The following GSX1 variants were observed in gnomAD, a reference collection of about 807,000 sequenced individuals.
GSX1 encodes the protein GS homeobox 1.
Under a neutral mutation model 17.7 loss-of-function variants are expected in GSX1, and 13 were observed. That is an observed-to-expected ratio of 0.74 (90% confidence interval 0.48 to 1.17). The LOEUF is 1.17. Ranked by LOEUF, GSX1 falls within the 50% of genes most tolerant of loss-of-function variation. GSX1 has a pLI of 0.00. For missense variants in GSX1, 371 were observed against 372.1 expected, an observed-to-expected ratio of 1.00 and a Z score of 0.02; for synonymous variants, 202 against 176.2, an observed-to-expected ratio of 1.15 and a Z score of -1.16.
In GSX1 at chr13:27,792,785, C is replaced by G; in HGVS notation, c.95C>G (p.Ala32Gly). The G allele has an allele frequency of 1.3e-6, 2 of 1,500,144 alleles. No homozygotes were observed. Among genetic ancestry groups the G allele is most frequent in the African/African-American group, 1.5e-5 (1 of 68,906 alleles). 92.9% of individuals were successfully genotyped at this position (1,500,144 alleles called of 1,614,324 possible). ...EGSPPPLFPYAVPPPHALHGL... is the reference protein window; with the variant it reads ...EGSPPPLFPYGVPPPHALHGL... ...AGCCCGCCGCCGCTCTTCCCCTACG[C>G]TGTGCCCCCGCCGCACGCGCTGCAC... is the stretch of plus-strand genomic sequence containing the variant. The change falls in exon 1 of 2, where the codon GCT becomes GGT. Residue 32 changes from alanine (A) to glycine (G), a missense_variant. By Grantham distance (60) the Ala-to-Gly change is moderately conservative (BLOSUM62 0). This residue lies in a region of GSX1 where 212 missense variants were observed against 193.9 expected (regional missense o/e 1.09). Transcript: ENST00000302945.
chr13:27,793,424 A>G lies in GSX1; in HGVS notation c.413-142A>G. 2.5e-6 allele frequency: 2 copies of G among 809,370 alleles called. No homozygotes were observed. The highest frequency in any genetic ancestry group is 1.8e-5 in the South Asian group (1 of 54,642). 50.1% of individuals were successfully genotyped at this position (809,370 alleles called of 1,614,324 possible). ...TCTCGGAGCTGGACAAGGAGCGCTC[A>G]CTGTAGCTCTGCTGTGGATTGTGTT... is the stretch of plus-strand genomic sequence containing the variant. On this transcript the variant is annotated intron_variant, in intron 1 of 1. Transcript: ENST00000302945. The surrounding 1 kb of genome is among the most constrained non-coding windows in gnomAD (Gnocchi z 6.2).
In GSX1 at chr13:27,793,207, G is replaced by C; in HGVS notation, c.412+105G>C. ...ACCCTGGGCTTTCTGGGGGCGGTGA[G>C]GGTCATGTCGGGGACTAAGGGGGGC... On this transcript the variant is annotated intron_variant, in intron 1 of 1. Coordinates refer to ENST00000302945, the MANE Select transcript of GSX1 (RefSeq NM_145657.3). The surrounding 1 kb of genome is among the most constrained non-coding windows in gnomAD (Gnocchi z 6.2). The C allele has an allele frequency of 7.9e-7, 1 of 1,259,294 alleles. No homozygotes were observed. Among genetic ancestry groups the C allele is most frequent in the Non-Finnish European group, 1.1e-6 (1 of 944,222 alleles). 78.0% of individuals were successfully genotyped at this position (1,259,294 alleles called of 1,614,324 possible). A position where few individuals can be genotyped will look rare whatever the true frequency, so the allele number is the denominator to read the frequency against.
In GSX1 at chr13:27,794,190, C is replaced by A; in HGVS notation, c.*242C>A. ...AACTCCAAGCTGTGAACACTGTAAG[C>A]GCTCGAGTCCTCCTGGGCAGTGCAG... On this transcript the variant is annotated 3_prime_UTR_variant, in exon 2 of 2. Coordinates refer to ENST00000302945, the MANE Select transcript of GSX1 (RefSeq NM_145657.3). The A allele has an allele frequency of 2.0e-6, 1 of 508,338 alleles. No homozygotes were observed. The highest frequency in any genetic ancestry group is 3.4e-6 in the Non-Finnish European group (1 of 290,120). 31.5% of individuals were successfully genotyped at this position (508,338 alleles called of 1,614,324 possible).
chr13:27,792,908 C>A lies in GSX1; in HGVS notation c.218C>A (p.Pro73Gln). The A allele has an allele frequency of 6.6e-7, 1 of 1,526,476 alleles. No individual in the cohort carries two copies. The highest frequency in any genetic ancestry group is 8.8e-7 in the Non-Finnish European group (1 of 1,141,444). The allele number at this position is 1,526,476 out of a possible 1,614,324, so 94.6% of individuals were successfully genotyped here. A position where few individuals can be genotyped will look rare whatever the true frequency, so the allele number is the denominator to read the frequency against. The change falls in exon 1 of 2, where the codon CCG (proline) becomes CAG (glutamine). Residue 73 changes from proline to glutamine, a missense_variant. By Grantham distance (76) the Pro-to-Gln change is moderately conservative. This residue lies in a region of GSX1 where 212 missense variants were observed against 193.9 expected (regional missense o/e 1.09). Coordinates refer to ENST00000302945, the MANE Select transcript of GSX1 (RefSeq NM_145657.3). ...TASQLHGPPG[P>Q]PALPLLKASF... ...TCGCAGCTGCATGGGCCCCCCGGGC[C>A]GCCCGCGCTGCCTCTACTCAAGGCT...
rs1437068417 is a variant in GSX1 at position 27,793,312 on chromosome 13, T to C, written c.412+210T>C. On this transcript the variant is annotated intron_variant, in intron 1 of 1. Transcript: ENST00000302945. This position sits in a 1 kb window ranked among gnomAD's most constrained non-coding sequence, Gnocchi z 6.2. ...GGGCAGACGTCCAGGTCCTGGAGTG[T>C]GGGCCGGGGTAAGTGAGGGCTGGGA... 6.6e-6 allele frequency among the ~76,000 whole-genome samples: 1 copy of C among 151,732 alleles called. No homozygotes were observed. The highest frequency in any genetic ancestry group is 1.5e-5 in the Non-Finnish European group (1 of 67,924).
At position 27,793,103 on chromosome 13, in the gene GSX1, G is replaced by A; in HGVS notation, c.412+1G>A. The A allele has an allele frequency of 1.3e-6, 2 of 1,535,044 alleles. No individual in the cohort carries two copies. The highest frequency in any genetic ancestry group is 1.2e-5 in the South Asian group (1 of 83,216). ...AGGCAGTTCCACTGCATCTCTGTGG[G>A]TAAGCGGGGCCGCCGCGCAGAGGGA... On this transcript the variant is annotated splice_donor_variant, in intron 1 of 1. Coordinates refer to ENST00000302945, the MANE Select transcript of GSX1 (RefSeq NM_145657.3). LOFTEE classifies it high-confidence loss of function. This position sits in a 1 kb window ranked among gnomAD's most constrained non-coding sequence, Gnocchi z 6.2.
Position 27,794,584 on chromosome 13 carries a change from A to C in GSX1, c.*636A>C, listed in dbSNP as rs2138646129. 6.6e-6 allele frequency: 1 copy of C among 151,604 alleles called. No individual in the cohort carries two copies. Among genetic ancestry groups the C allele is most frequent in the African/African-American group, 2.4e-5 (1 of 41,268 alleles). 9.4% of individuals were successfully genotyped at this position (151,604 alleles called of 1,614,324 possible). A position where few individuals can be genotyped will look rare whatever the true frequency, so the allele number is the denominator to read the frequency against. The stretch of plus-strand genomic sequence containing the variant: ...CCTCAGTCCCCACGGCTCCTCTCAC[A>C]GATGATAAATTTCGCCCGTAGTATC... On this transcript the variant is annotated 3_prime_UTR_variant, in exon 2 of 2. Transcript: ENST00000302945.
In GSX1 at chr13:27,792,959, A is replaced by G. The variant is rs1305967506; in HGVS notation, c.269A>G (p.Tyr90Cys). The change falls in exon 1 of 2, where the codon TAC becomes TGC. Residue 90 changes from tyrosine to cysteine, a missense_variant. Physicochemically the swap from Tyr to Cys is radical, Grantham distance 194. Around this residue, in one of 3 missense-constraint regions of GSX1, gnomAD observed 212 missense variants for 193.9 expected, o/e 1.09. Coordinates refer to ENST00000302945, the MANE Select transcript of GSX1 (RefSeq NM_145657.3). ...KASFPPFGSQ[Y>C]CHAPLGRQHS... Reference sequence around the variant, plus strand: ...TCCTTCCCACCCTTCGGCTCGCAGTACTGCCACGCGCCCCTGGGCCGCCAG... The same window carrying G: ...TCCTTCCCACCCTTCGGCTCGCAGTGCTGCCACGCGCCCCTGGGCCGCCAG... The G allele has an allele frequency of 1.3e-6, 2 of 1,542,682 alleles. No homozygotes were observed. Among genetic ancestry groups the G allele is most frequent in the Non-Finnish European group, 1.7e-6 (2 of 1,150,214 alleles).
At position 27,792,903 on chromosome 13, in the gene GSX1, C is replaced by T. The variant is rs766312266; in HGVS notation, c.213C>T (p.Pro71=). ...CVTASQLHGP[P]GPPALPLLKA... is the part of the protein sequence containing the mutation. Reference sequence around the variant, plus strand: ...CCGCCTCGCAGCTGCATGGGCCCCCCGGGCCGCCCGCGCTGCCTCTACTCA... The same window carrying T: ...CCGCCTCGCAGCTGCATGGGCCCCCTGGGCCGCCCGCGCTGCCTCTACTCA... The change falls in exon 1 of 2, where the codon CCC becomes CCT. Residue 71 remains proline (P), a synonymous_variant. Transcript: ENST00000302945. 5 of 1,526,942 alleles carry T rather than the reference C, an allele frequency of 3.3e-6. No homozygotes were observed. The highest frequency in any genetic ancestry group is 1.8e-4 in the Middle Eastern group (1 of 5,684). 94.6% of individuals were successfully genotyped at this position (1,526,942 alleles called of 1,614,324 possible).
In GSX1 at chr13:27,793,211, C is replaced by A; in HGVS notation, c.412+109C>A. 8.1e-7 allele frequency: 1 copy of A among 1,232,270 alleles called. No homozygotes were observed. Among genetic ancestry groups the A allele is most frequent in the Non-Finnish European group, 1.1e-6 (1 of 920,754 alleles). 76.3% of individuals were successfully genotyped at this position (1,232,270 alleles called of 1,614,324 possible). ...TGGGCTTTCTGGGGGCGGTGAGGGTCATGTCGGGGACTAAGGGGGGCGCTT... is the reference window on the plus strand; with the variant it reads ...TGGGCTTTCTGGGGGCGGTGAGGGTAATGTCGGGGACTAAGGGGGGCGCTT... On this transcript the variant is annotated intron_variant, in intron 1 of 1. Transcript: ENST00000302945. This position sits in a 1 kb window ranked among gnomAD's most constrained non-coding sequence, Gnocchi z 6.2.
rs953557337 is a variant in GSX1 at position 27,792,896 on chromosome 13, G to A, written c.206G>A (p.Gly69Glu). Residue 69 changes from glycine to glutamate, a missense_variant, in exon 1 of 2, where the codon GGG (glycine) becomes GAG (glutamate). This residue lies in a region of GSX1 where 212 missense variants were observed against 193.9 expected (regional missense o/e 1.09). Transcript: ENST00000302945. ...TGCGTCACCGCCTCGCAGCTGCATG[G>A]GCCCCCCGGGCCGCCCGCGCTGCCT... is the stretch of plus-strand genomic sequence containing the variant. ...PLCVTASQLH[G>E]PPGPPALPLL... is the part of the protein sequence containing the mutation. 7.2e-6 allele frequency: 11 copies of A among 1,525,110 alleles called. No homozygotes were observed. The highest frequency in any genetic ancestry group is 9.6e-6 in the Non-Finnish European group (11 of 1,141,550). 94.5% of individuals were successfully genotyped at this position (1,525,110 alleles called of 1,614,324 possible).
rs1301581396 is a variant in GSX1, at chr13:27,793,180, G to A, written c.412+78G>A. 2.5e-5 allele frequency: 35 copies of A among 1,395,324 alleles called. No individual in the cohort carries two copies. Among genetic ancestry groups the A allele is most frequent in the Non-Finnish European group, 3.2e-5 (34 of 1,065,068 alleles). The allele number at this position is 1,395,324 out of a possible 1,614,324, so 86.4% of individuals were successfully genotyped here. A position where few individuals can be genotyped will look rare whatever the true frequency, so the allele number is the denominator to read the frequency against. On this transcript the variant is annotated intron_variant, in intron 1 of 1. Transcript: ENST00000302945. The surrounding 1 kb of genome is among the most constrained non-coding windows in gnomAD (Gnocchi z 6.2). ...TGGAGAGCCAGAGATGGAGGAAGAGGGACCCTGGGCTTTCTGGGGGCGGTG... is the reference window on the plus strand; with the variant it reads ...TGGAGAGCCAGAGATGGAGGAAGAGAGACCCTGGGCTTTCTGGGGGCGGTG...
rs1957071977 is a variant in GSX1, at chr13:27,792,518, G to A, written c.-173G>A. 1 of 568,342 alleles carries A rather than the reference G, an allele frequency of 1.8e-6. No homozygotes were observed. The highest frequency in any genetic ancestry group is 2.0e-5 in the African/African-American group (1 of 50,538). 35.2% of individuals were successfully genotyped at this position (568,342 alleles called of 1,614,324 possible). ...CTGGCCAGCACCCCGCGCTCTTTGG[G>A]CGGTGCCCACGGCAGCAGAGGCTAC... On this transcript the variant is annotated 5_prime_UTR_variant, in exon 1 of 2. Transcript: ENST00000302945.
rs1957073611 is a variant in GSX1, at chr13:27,792,708, G to A, written c.18G>A (p.Leu6=). Residue 6 remains leucine (L), a synonymous_variant, in exon 1 of 2, where the codon CTG becomes CTA. Transcript: ENST00000302945. ...CCGGGGCCATGCCGCGCTCCTTCCT[G>A]GTGGACTCGCTAGTGCTGCGCGAGG... MPRSF[L]VDSLVLREAG... 2 of 1,443,710 alleles carry A rather than the reference G, an allele frequency of 1.4e-6. No homozygotes were observed. Among genetic ancestry groups the A allele is most frequent in the East Asian group, 6.0e-5 (2 of 33,566 alleles). 89.4% of individuals were successfully genotyped at this position (1,443,710 alleles called of 1,614,324 possible).
In GSX1 at chr13:27,794,021, G is replaced by C. The variant is rs1957084981; in HGVS notation, c.*73G>C. On this transcript the variant is annotated 3_prime_UTR_variant, in exon 2 of 2. Coordinates refer to ENST00000302945, the MANE Select transcript of GSX1 (RefSeq NM_145657.3). Reference sequence around the variant, plus strand: ...GAGACTAGTCCTGGGACTCAGCGCTGATTCCCAGGCACCCGCAGCCAAACC... The same window carrying C: ...GAGACTAGTCCTGGGACTCAGCGCTCATTCCCAGGCACCCGCAGCCAAACC... 2 of 1,468,494 alleles carry C rather than the reference G, an allele frequency of 1.4e-6. No homozygotes were observed. The highest frequency in any genetic ancestry group is 4.6e-5 in the Admixed American group (2 of 43,518). 91.0% of individuals were successfully genotyped at this position (1,468,494 alleles called of 1,614,324 possible).
chr13:27,793,942 T>C lies in GSX1; in HGVS notation c.789T>C (p.Thr263=). 7.8e-6 allele frequency: 12 copies of C among 1,547,208 alleles called. No individual in the cohort carries two copies. The highest frequency in any genetic ancestry group is 1.0e-5 in the Non-Finnish European group (12 of 1,145,262). ...AGGACGACCGGGATCTTACGGTCAC[T>C]CCCTAGGCGCGTGTCTCCCTAGGTC... ...SGKDDRDLTV[T]P The change falls in exon 2 of 2, where the codon ACT becomes ACC. Residue 263 remains threonine, a synonymous_variant. Coordinates refer to ENST00000302945, the MANE Select transcript of GSX1 (RefSeq NM_145657.3). The surrounding 1 kb of genome is among the most constrained non-coding windows in gnomAD (Gnocchi z 6.2).
At position 27,792,615 on chromosome 13, in the gene GSX1, G is replaced by T. The variant is rs963462265; in HGVS notation, c.-76G>T. 8.1e-7 allele frequency: 1 copy of T among 1,235,712 alleles called. No homozygotes were observed. The highest frequency in any genetic ancestry group is 2.2e-5 in the South Asian group (1 of 46,178). 76.5% of individuals were successfully genotyped at this position (1,235,712 alleles called of 1,614,324 possible). A position where few individuals can be genotyped will look rare whatever the true frequency, so the allele number is the denominator to read the frequency against. Reference sequence around the variant, plus strand: ...GCAGCTGCGGGATACCGCGGCCAGGGAAAGCGCGTGGAGAGCCGAAAGGTG... The same window carrying T: ...GCAGCTGCGGGATACCGCGGCCAGGTAAAGCGCGTGGAGAGCCGAAAGGTG... On this transcript the variant is annotated 5_prime_UTR_variant, in exon 1 of 2. Coordinates refer to ENST00000302945, the MANE Select transcript of GSX1 (RefSeq NM_145657.3).
chr13:27,792,895 G>C lies in GSX1; in HGVS notation c.205G>C (p.Gly69Arg). The change falls in exon 1 of 2, where the codon GGG becomes CGG. Residue 69 changes from glycine to arginine, a missense_variant. Physicochemically the swap from Gly to Arg is moderately radical, Grantham distance 125. Around this residue, in one of 3 missense-constraint regions of GSX1, gnomAD observed 212 missense variants for 193.9 expected, o/e 1.09. Transcript: ENST00000302945. ...CTGCGTCACCGCCTCGCAGCTGCAT[G>C]GGCCCCCCGGGCCGCCCGCGCTGCC... is the stretch of plus-strand genomic sequence containing the variant. ...PLCVTASQLHGPPGPPALPLL... is the reference protein window; with the variant it reads ...PLCVTASQLHRPPGPPALPLL... 2 of 1,525,418 alleles carry C rather than the reference G, an allele frequency of 1.3e-6. No homozygotes were observed. Among genetic ancestry groups the C allele is most frequent in the Non-Finnish European group, 1.8e-6 (2 of 1,141,642 alleles). The allele number at this position is 1,525,418 out of a possible 1,614,324, so 94.5% of individuals were successfully genotyped here. A position where few individuals can be genotyped will look rare whatever the true frequency, so the allele number is the denominator to read the frequency against.
chr13:27,793,054 A>ACCT lies in GSX1; in HGVS notation c.368_370dup (p.Ser123dup). On this transcript the variant is annotated inframe_insertion, in exon 1 of 2. Transcript: ENST00000302945. This position sits in a 1 kb window ranked among gnomAD's most constrained non-coding sequence, Gnocchi z 6.2. ...TGCTGCTGCCGCCGCGCTCTACCAG[A>ACCT]CCTCCTACCCGCTGCCTGACCCCAG... 6.3e-7 allele frequency: 1 copy of ACCT among 1,582,178 alleles called. No homozygotes were observed. Among genetic ancestry groups the ACCT allele is most frequent in the South Asian group, 1.1e-5 (1 of 89,286 alleles).
Sources: allele counts gnomAD v4.1 joint callset (sites outside exome capture counted in the v4.1 genomes callset), GRCh38; gene constraint gnomAD v4.1.1; regional missense constraint gnomAD v4.1.1; non-coding constraint Gnocchi (gnomAD v3.1); transcripts MANE v1.5; gene names NCBI Gene and HGNC (gene_info 2026-07-23, HGNC 2026-07-21).